ALMS1: variants seen among roughly 807,000 people sequenced by gnomAD.
ALMS1 encodes ALMS1 centrosome and basal body associated protein.
ALMS1 carries 271 observed loss-of-function variants against 352.2 expected under a neutral mutation model. The observed-to-expected ratio is 0.77, with a 90% CI of 0.70 to 0.85. The LOEUF (loss-of-function observed/expected upper bound fraction) is 0.85, where lower values mean the gene tolerates loss of function less well. ALMS1 is among the 40% of genes least tolerant of loss of function. ALMS1 has a pLI of 0.00. For missense variants in ALMS1, 5,445 were observed against 4,870.7 expected (o/e 1.12, Z -3.51); for synonymous variants, 1,865 against 1,761.2 (o/e 1.06, Z -1.48).
chr2:73,472,752 C>T (rs769647301), intron 9 of ALMS1, among the ~76,000 whole-genome samples: 6 of 152,012 alleles, frequency 3.9e-5, no homozygotes, highest in Non-Finnish European at 7.4e-5. Context: ...GCTGTTAGCA[C>T]GAGAAGGATT....
rs1672170100 is a variant in ALMS1, at chr2:73,460,600, T to G, written c.7674+5305T>G. 2.0e-5 allele frequency among the ~76,000 whole-genome samples: 3 copies of G among 152,150 alleles called. No homozygotes were observed. In the South Asian group the frequency reaches 6.2e-4, roughly 32 times the overall value. ...GTGCCAGACAGTGGGTGTAGGACAG[T>G]GGGTGCAGCGCACCATTCACAAGCC... On this transcript the variant is annotated intron_variant, in intron 9 of 22. Coordinates refer to ENST00000613296, the MANE Select transcript of ALMS1 (RefSeq NM_001378454.1).
intron 11 of ALMS1, among the ~76,000 whole-genome samples, chr2:73,521,802 A>C (rs1468617232): frequency 6.6e-6 from 1 of 152,160 alleles, no homozygotes; most frequent in Non-Finnish European, 1.5e-5. Context: ...AAACGGATCA[A>C]TTTATAGAGG....
chr2:73,389,228 G>A (rs996016255), intron 1 of ALMS1, among the ~76,000 whole-genome samples: 1 of 152,016 alleles, frequency 6.6e-6, no homozygotes, highest in Admixed American at 6.6e-5. Context: ...TTGGCCGCTC[G>A]TATGTCTTCT....
At chr2:73,549,404 A>AT (rs1206849214) in intron 12 of ALMS1, among the ~76,000 whole-genome samples, 4 of 152,166 alleles carry the variant, frequency 2.6e-5, no homozygotes, top group Non-Finnish European at 5.9e-5. Context: ...GTTATGTTGC[A>AT]TTTTATATAC....
intron 4 of ALMS1, 82 bp downstream of exon 4, chr2:73,423,056 G>C (rs998466404): frequency 6.4e-6 from 8 of 1,249,932 alleles, no homozygotes; most frequent in Non-Finnish European, 9.4e-6. Flanking sequence ...GGCTAAGGTG[G>C]GACTTTGAGG....
In ALMS1 at chr2:73,452,690, A is replaced by AAT. The variant is rs759603306; in HGVS notation, c.6166_6167dup (p.Leu2057PhefsTer17). 4 of 1,613,904 alleles carry AAT rather than the reference A, an allele frequency of 2.5e-6. No individual in the cohort carries two copies. In the East Asian group the frequency reaches 8.9e-5, roughly 36 times the overall value. ...TTCCTATTCTCAAACAGTAAAGCCC[A>AAT]ATATTTTATTTCAACAGCAGTTGCC... On this transcript the variant is annotated frameshift_variant, in exon 8 of 23. Transcript: ENST00000613296. LOFTEE classifies it high-confidence loss of function.
chr2:73,551,810 T>G (rs927190830), intron 13 of ALMS1, among the ~76,000 whole-genome samples: 1 of 152,138 alleles, frequency 6.6e-6, no homozygotes, highest in Non-Finnish European at 1.5e-5. Flanking sequence ...ATGATAATAT[T>G]TATTAAATGA....
At chr2:73,476,647 GATTTTC>G (rs1672589842) in intron 9 of ALMS1, among the ~76,000 whole-genome samples, 1 of 151,822 alleles carries the variant, frequency 6.6e-6, no homozygotes, top group Non-Finnish European at 1.5e-5. Flanking sequence ...TTGTGGTGGT[GATTTTC>G]ATTTCCCTTA....
At chr2:73,545,536 A>G (rs1007904619) in intron 12 of ALMS1, among the ~76,000 whole-genome samples, 1 of 152,238 alleles carries the variant, frequency 6.6e-6, no homozygotes, top group Non-Finnish European at 1.5e-5. Context: ...GAAGTTACCA[A>G]AAATCTTAAT....
chr2:73,607,168 C>T (rs1219663261), intron 21 of ALMS1, among the ~76,000 whole-genome samples: 1 of 152,188 alleles, frequency 6.6e-6, no homozygotes, highest in African/African-American at 2.4e-5. Flanking sequence ...TTTTTTCCCT[C>T]AAATTGTTAA....
At chr2:73,421,564 C>A (rs543490995) in intron 3 of ALMS1, among the ~76,000 whole-genome samples, 5 of 152,214 alleles carry the variant, frequency 3.3e-5, no homozygotes, top group African/African-American at 1.2e-4. Flanking sequence ...TTAATTAATT[C>A]ATTCAGTAAA....
At chr2:73,573,574 T>A in intron 16 of ALMS1, 150 bp downstream of exon 16, 1 of 795,692 alleles carries the variant, frequency 1.3e-6, no homozygotes, top group Non-Finnish European at 2.2e-6. Flanking sequence ...GAAAGTGTAG[T>A]ACAGTGCTAT....
chr2:73,481,174 TG>T (rs200307785), intron 9 of ALMS1, among the ~76,000 whole-genome samples: 3,052 of 152,360 alleles, frequency 0.02, 40 homozygotes, highest in Non-Finnish European at 0.032. Flanking sequence ...TGAATGGTAA[TG>T]CCTAGGTTTT....
intron 10 of ALMS1, among the ~76,000 whole-genome samples, chr2:73,496,954 GTC>G (rs1458753186): frequency 6.6e-6 from 1 of 152,056 alleles, no homozygotes; most frequent in Non-Finnish European, 1.5e-5. Context: ...CTGGATACGA[GTC>G]TTTTCTGGAT....
chr2:73,530,832 C>G (rs187598611), intron 11 of ALMS1, among the ~76,000 whole-genome samples: 2 of 152,382 alleles, frequency 1.3e-5, no homozygotes, highest in African/African-American at 2.4e-5. Context: ...CCACGTGAAA[C>G]TGTCAAAGCT....
intron 9 of ALMS1, among the ~76,000 whole-genome samples, chr2:73,466,757 A>G (rs1251361728): frequency 6.6e-6 from 1 of 152,178 alleles, no homozygotes; most frequent in Admixed American, 6.5e-5. Flanking sequence ...AAGTATGTGG[A>G]TAAATAAAGC....
At chr2:73,388,589 A>G (rs78377455) in intron 1 of ALMS1, among the ~76,000 whole-genome samples, 2,403 of 152,276 alleles carry the variant, frequency 0.016, 53 homozygotes, top group Non-Finnish European at 0.021. Context: ...CTGTTTCTGA[A>G]TTGTTTCACT....
intron 16 of ALMS1, among the ~76,000 whole-genome samples, chr2:73,587,320 A>C (rs140784264): frequency 6.6e-6 from 1 of 152,188 alleles, no homozygotes; most frequent in Non-Finnish European, 1.5e-5. Context: ...AGTGTTGAAT[A>C]GCAGGGATGA....
At chr2:73,435,483 T>A (rs1173739139) in intron 7 of ALMS1, among the ~76,000 whole-genome samples, 2 of 152,212 alleles carry the variant, frequency 1.3e-5, no homozygotes, top group Middle Eastern at 3.2e-3. Context: ...ATTCAATTTA[T>A]ACTAACTTAA....
Sources: gnomAD v4.1 joint callset for allele counts (sites outside exome capture counted in the v4.1 genomes callset) on GRCh38, gnomAD v4.1.1 for gene constraint, MANE v1.5 for transcripts, NCBI Gene and HGNC (gene_info 2026-07-23, HGNC 2026-07-21) for gene names.